The following ABCB1 variants were observed in gnomAD, a reference collection of about 807,000 sequenced individuals.
The protein encoded by ABCB1 is ATP-dependent translocase ABCB1.
A neutral mutation model predicts 142.0 loss-of-function variants in ABCB1; 69 were observed. That is an observed-to-expected ratio of 0.49 (90% CI 0.40 to 0.59). ABCB1 has a LOEUF of 0.59. Ranked by LOEUF, ABCB1 falls within the 20% of genes least tolerant of loss-of-function variation. ABCB1 has a pLI of 0.00. For missense variants in ABCB1, 1,326 were observed against 1,554.7 expected (o/e 0.85, Z 2.47); for synonymous variants, 532 against 539.2 (o/e 0.99, Z 0.18).
intron 1 of ABCB1, among the ~76,000 whole-genome samples, chr7:87,655,237 T>C (rs1823979982): frequency 6.6e-6 from 1 of 152,048 alleles, no homozygotes; most frequent in Non-Finnish European, 1.5e-5. Flanking sequence ...GCCAAGGAAA[T>C]GAAATCAGTG....
At chr7:87,640,291 C>T in intron 1 of ABCB1, among the ~76,000 whole-genome samples, 1 of 151,476 alleles carries the variant, frequency 6.6e-6, no homozygotes, top group East Asian at 1.9e-4. Flanking sequence ...CACATATTTA[C>T]CCTTTCCATT....
intron 1 of ABCB1, among the ~76,000 whole-genome samples, chr7:87,665,739 T>A (rs1380951818): frequency 6.6e-6 from 1 of 152,096 alleles, no homozygotes; most frequent in African/African-American, 2.4e-5. Context: ...CTCATCCTTC[T>A]TTCCATGTGT....
intron 1 of ABCB1, among the ~76,000 whole-genome samples, chr7:87,679,627 T>C (rs1484526479): frequency 6.7e-6 from 1 of 150,248 alleles, no homozygotes; most frequent in African/African-American, 2.5e-5. Context: ...TGGGCTCAAG[T>C]GGTCCTCTCA....
At chr7:87,660,621 A>G (rs1824600578) in intron 1 of ABCB1, among the ~76,000 whole-genome samples, 1 of 151,600 alleles carries the variant, frequency 6.6e-6, no homozygotes, top group Admixed American at 6.6e-5. Flanking sequence ...TTTGCTGATC[A>G]TTTATGTATA....
At chr7:87,504,607 C>A (rs542428374) in intron 27 of ABCB1, among the ~76,000 whole-genome samples, 158 bp from the exon 28 acceptor site, 1 of 152,206 alleles carries the variant, frequency 6.6e-6, no homozygotes, top group Non-Finnish European at 1.5e-5. Flanking sequence ...AGATTGAGAC[C>A]ATCCTGGCTA....
Position 87,504,292 on chromosome 7 carries a change from C to G in ABCB1, c.3794G>C (p.Gly1265Ala). The G allele has an allele frequency of 6.2e-7, 1 of 1,614,046 alleles. No individual in the cohort carries two copies. Among genetic ancestry groups the G allele is most frequent in the Non-Finnish European group, 8.5e-7 (1 of 1,180,022 alleles). ...GTHQQLLAQK[G>A]IYFSMVSVQA... ...GACACTGACCATTGAAAAATAGATG[C>G]CTTTCTGTGCCAGCAGCTGCTGATG... The change falls in exon 28 of 28, where the codon GGC becomes GCC. Residue 1265 changes from glycine (G) to alanine (A), a missense_variant. By Grantham distance (60) the Gly-to-Ala change is moderately conservative. Coordinates refer to ENST00000622132, the MANE Select transcript of ABCB1 (RefSeq NM_001348946.2).
In ABCB1 at chr7:87,553,742, C is replaced by G. The variant is rs765708937; in HGVS notation, c.999+19G>C. 2.1e-5 allele frequency: 34 copies of G among 1,610,390 alleles called. No individual in the cohort carries two copies. The highest frequency in any genetic ancestry group is 2.5e-5 in the Non-Finnish European group (30 of 1,176,822). Reference sequence around the variant, plus strand: ...GGCATTTTATAATAATGGTTCATTTCTCAATGTAAACCACTTACAGTGAGT... The same window carrying G: ...GGCATTTTATAATAATGGTTCATTTGTCAATGTAAACCACTTACAGTGAGT... On this transcript the variant is annotated intron_variant, in intron 9 of 27. Transcript: ENST00000622132.
chr7:87,523,183 T>C (rs1584844398), intron 21 of ABCB1, among the ~76,000 whole-genome samples: 1 of 152,136 alleles, frequency 6.6e-6, no homozygotes, highest in South Asian at 2.1e-4. Flanking sequence ...GTGATCATCA[T>C]AGCTCACTGC....
intron 1 of ABCB1, among the ~76,000 whole-genome samples, chr7:87,679,253 C>T (rs911305424): frequency 4.0e-5 from 6 of 149,206 alleles, no homozygotes; most frequent in African/African-American, 1.5e-4. Flanking sequence ...CCACCACGCC[C>T]GGGTAATTTT....
At chr7:87,672,056 ACT>A (rs1355998980) in intron 1 of ABCB1, among the ~76,000 whole-genome samples, 1 of 151,680 alleles carries the variant, frequency 6.6e-6, no homozygotes, top group African/African-American at 2.4e-5. Flanking sequence ...GTCTGCTCAG[ACT>A]CTCCAAATCC....
intron 5 of ABCB1, among the ~76,000 whole-genome samples, chr7:87,568,223 G>T (rs545158640): frequency 1.2e-5 from 1 of 82,166 alleles, no homozygotes; most frequent in East Asian, 5.8e-4. Flanking sequence ...GTGAAATCCC[G>T]TCTCTACTAA....
At chr7:87,683,276 G>A (rs544619595) in intron 1 of ABCB1, among the ~76,000 whole-genome samples, 128 of 152,220 alleles carry the variant, frequency 8.4e-4, no homozygotes, top group African/African-American at 3.0e-3. Context: ...TCAGCAATAA[G>A]GCTCTTTCAC....
chr7:87,556,204 T>C (rs1440717936), intron 8 of ABCB1, among the ~76,000 whole-genome samples: 3 of 152,192 alleles, frequency 2.0e-5, no homozygotes, highest in Non-Finnish European at 4.4e-5. Flanking sequence ...GTAGGAAATA[T>C]GACTCTTCTT....
intron 1 of ABCB1, among the ~76,000 whole-genome samples, chr7:87,671,814 C>G (rs760735380): frequency 6.6e-6 from 1 of 152,144 alleles, no homozygotes; most frequent in Non-Finnish European, 1.5e-5. Flanking sequence ...AACCTGAAGG[C>G]TGGAAAAGCT....
intron 26 of ABCB1, among the ~76,000 whole-genome samples, 165 bp downstream of exon 26, chr7:87,509,110 A>T (rs1351674841): frequency 6.6e-6 from 1 of 152,198 alleles, no homozygotes; most frequent in African/African-American, 2.4e-5. Flanking sequence ...TAAAGGTAAC[A>T]ACTAACCCAA....
At position 87,561,309 on chromosome 7, in the gene ABCB1, T is replaced by C. The variant is rs36008564; in HGVS notation, c.781A>G (p.Ile261Val). 1.8e-3 allele frequency: 2,856 copies of C among 1,614,096 alleles called. 21 individuals carry two copies. Among genetic ancestry groups the C allele is most frequent in the African/African-American group, 0.017 (1,247 of 75,062 alleles). ...CCTCCAAATGCAATCACAGTTCTAA[T>C]TGCTGCCAAGACCTCTTCAGCTACT... ...GAVAEEVLAA[I>V]RTVIAFGGQK... Residue 261 changes from isoleucine (I) to valine (V), a missense_variant, in exon 8 of 28, where the codon ATT becomes GTT. Transcript: ENST00000622132.
chr7:87,626,379 ATG>A lies in ABCB1; in HGVS notation c.-330-25303_-330-25302del, dbSNP rs1427264070. ...TGTGTCATATATATGTGTCATATGT[ATG>A]TGTCATATATATGTGTCATATGTAT... On this transcript the variant is annotated intron_variant, in intron 1 of 28. Coordinates refer to the ABCB1 transcript ENST00000265724. 3.3e-4 allele frequency among the ~76,000 whole-genome samples: 9 copies of A among 27,236 alleles called. 3 individuals carry two copies. The highest frequency in any genetic ancestry group is 4.1e-4 in the Non-Finnish European group (8 of 19,346). 17.9% of individuals were successfully genotyped at this position (27,236 alleles called of 152,430 possible). A position where few individuals can be genotyped will look rare whatever the true frequency, so the allele number is the denominator to read the frequency against.
intron 1 of ABCB1, among the ~76,000 whole-genome samples, chr7:87,694,249 T>C (rs1828294444): frequency 6.6e-6 from 1 of 152,192 alleles, no homozygotes; most frequent in Non-Finnish European, 1.5e-5. Flanking sequence ...TCAGGGAAGC[T>C]GTATGAATAT....
chr7:87,650,848 G>A (rs753998778), intron 1 of ABCB1: 20 of 1,610,844 alleles, frequency 1.2e-5, no homozygotes, highest in East Asian at 2.2e-5. Flanking sequence ...CTGATTGATC[G>A]GTCTTGCTTT....
Sources: gnomAD v4.1 joint callset for allele counts (sites outside exome capture counted in the v4.1 genomes callset) on GRCh38, gnomAD v4.1.1 for gene constraint, MANE v1.5 for transcripts, NCBI Gene and HGNC (gene_info 2026-07-23, HGNC 2026-07-21) for gene names.